Variants in ANKS1B observed in about 807,000 individuals in gnomAD.
The protein encoded by ANKS1B is ankyrin repeat and sterile alpha motif domain-containing protein 1B.
ANKS1B carries 36 observed loss-of-function variants against 148.3 expected under a neutral mutation model. The ratio of observed to expected loss-of-function variants is 0.24; its 90% CI spans 0.19 to 0.32. The LOEUF is 0.32. ANKS1B is among the 10% of genes least tolerant of loss of function. ANKS1B has a pLI of 1.00. For synonymous variants in ANKS1B, 542 were observed against 560.8 expected (o/e 0.97, Z 0.47); for missense variants, 1,157 against 1,542.6 (o/e 0.75, Z 4.19).
intron 1 of ANKS1B, among the ~76,000 whole-genome samples, chr12:99,880,694 A>C (rs1008498320): frequency 6.6e-6 from 1 of 152,224 alleles, no homozygotes; most frequent in African/African-American, 2.4e-5. Context: ...TATTGCTCCC[A>C]AATCATTCAC....
intron 17 of ANKS1B, among the ~76,000 whole-genome samples, chr12:98,998,797 G>A (rs1009807583): frequency 4.6e-5 from 7 of 152,190 alleles, no homozygotes; most frequent in East Asian, 1.9e-4. Flanking sequence ...AATCATGTTC[G>A]TTTTTATATT....
intron 1 of ANKS1B, among the ~76,000 whole-genome samples, chr12:99,861,740 T>A (rs1008643272): frequency 6.6e-6 from 1 of 152,216 alleles, no homozygotes; most frequent in African/African-American, 2.4e-5. Flanking sequence ...GGTTTAACCA[T>A]GAACAACAAT....
chr12:99,061,078 A>G (rs1168460159), intron 16 of ANKS1B, among the ~76,000 whole-genome samples: 1 of 152,150 alleles, frequency 6.6e-6, no homozygotes, highest in Non-Finnish European at 1.5e-5. Flanking sequence ...GTTCCCTTAA[A>G]CTTGTCCTCT....
chr12:99,958,582 G>A (rs1335995941), intron 1 of ANKS1B, among the ~76,000 whole-genome samples: 2 of 151,986 alleles, frequency 1.3e-5, no homozygotes, highest in African/African-American at 2.4e-5. Context: ...ACGGGGTTTC[G>A]CCATGTTGGC....
intron 17 of ANKS1B, among the ~76,000 whole-genome samples, chr12:98,958,586 A>G (rs1466459574): frequency 6.6e-6 from 1 of 152,258 alleles, no homozygotes; most frequent in Non-Finnish European, 1.5e-5. Context: ...CACACAATAC[A>G]CATACCTAAA....
intron 9 of ANKS1B, chr12:99,648,038 G>C (rs2098388512): frequency 8.1e-7 from 1 of 1,231,510 alleles, no homozygotes; most frequent in Admixed American, 2.8e-5. Flanking sequence ...TCAGTCACTT[G>C]GGGACAAAAA....
At chr12:99,081,952 G>A (rs892111958) in intron 16 of ANKS1B, among the ~76,000 whole-genome samples, 6 of 152,134 alleles carry the variant, frequency 3.9e-5, no homozygotes, top group Admixed American at 1.3e-4. Flanking sequence ...CAAGGATGTT[G>A]CACTGTCTCT....
At chr12:99,173,540 C>T (rs2078034364) in intron 14 of ANKS1B, among the ~76,000 whole-genome samples, 1 of 152,004 alleles carries the variant, frequency 6.6e-6, no homozygotes, top group Non-Finnish European at 1.5e-5. Context: ...AAAATTATAA[C>T]ATAAACCAAA....
intron 17 of ANKS1B, among the ~76,000 whole-genome samples, chr12:98,880,424 A>G (rs987316359): frequency 6.6e-6 from 1 of 152,238 alleles, no homozygotes; most frequent in Admixed American, 6.5e-5. Context: ...GAATAAAAAT[A>G]TAAATCAAAC....
At chr12:99,195,898 A>T (rs1184098086) in intron 14 of ANKS1B, among the ~76,000 whole-genome samples, 1 of 152,274 alleles carries the variant, frequency 6.6e-6, no homozygotes, top group Admixed American at 6.5e-5. Context: ...GAAAATATTT[A>T]AAAAATTAAT....
At chr12:99,131,206 A>G (rs1038355317) in intron 15 of ANKS1B, among the ~76,000 whole-genome samples, 2 of 152,204 alleles carry the variant, frequency 1.3e-5, no homozygotes, top group Non-Finnish European at 2.9e-5. Context: ...CCTGGCACAC[A>G]ATGAACACCC....
intron 14 of ANKS1B, among the ~76,000 whole-genome samples, chr12:99,239,147 C>T (rs184652713): frequency 2.6e-5 from 4 of 152,238 alleles, no homozygotes; most frequent in Admixed American, 1.3e-4. Context: ...TCTAACCCAT[C>T]TCAAGGAAGC....
intron 14 of ANKS1B, among the ~76,000 whole-genome samples, chr12:99,231,329 T>C (rs2086802151): frequency 1.3e-5 from 2 of 152,160 alleles, no homozygotes; most frequent in African/African-American, 4.8e-5. Flanking sequence ...CATGTCTGTA[T>C]GATTTGACCT....
intron 8 of ANKS1B, among the ~76,000 whole-genome samples, chr12:99,752,882 T>C (rs1406768106): frequency 6.6e-6 from 1 of 152,004 alleles, no homozygotes; most frequent in African/African-American, 2.4e-5. Context: ...TTAAATACAA[T>C]AATGTAAGAG....
intron 11 of ANKS1B, among the ~76,000 whole-genome samples, chr12:99,420,863 A>C (rs2095059403): frequency 6.6e-6 from 1 of 152,198 alleles, no homozygotes; most frequent in Non-Finnish European, 1.5e-5. Context: ...ATCAATGAAA[A>C]AATTGGTATC....
chr12:99,284,466 T>G (rs1343927913), intron 12 of ANKS1B, among the ~76,000 whole-genome samples: 1 of 152,244 alleles, frequency 6.6e-6, no homozygotes, highest in Admixed American at 6.5e-5. Flanking sequence ...TTCCAAATTA[T>G]AAGTCCCTAA....
intron 4 of ANKS1B, among the ~76,000 whole-genome samples, chr12:99,803,296 C>A (rs923928106): frequency 2.0e-5 from 2 of 100,354 alleles, no homozygotes; most frequent in African/African-American, 3.6e-5. Context: ...AAAAAAAAGG[C>A]AATGAGACCA....
chr12:99,496,507 C>T (rs1289804362), intron 10 of ANKS1B, among the ~76,000 whole-genome samples: 1 of 152,164 alleles, frequency 6.6e-6, no homozygotes, highest in Non-Finnish European at 1.5e-5. Context: ...AGCAAATTCA[C>T]CAAGCAAGTG....
chr12:99,337,121 G>T (rs12314812), intron 12 of ANKS1B, among the ~76,000 whole-genome samples: 41,260 of 151,784 alleles, frequency 0.27, 9,040 homozygotes, highest in African/African-American at 0.62. Context: ...TCATCCTCTT[G>T]AAGACCAATA....
Sources: allele counts gnomAD v4.1 joint callset (sites outside exome capture counted in the v4.1 genomes callset), GRCh38; gene constraint gnomAD v4.1.1; transcripts MANE v1.5; gene names NCBI Gene and HGNC (gene_info 2026-07-23, HGNC 2026-07-21).